LBR: variants seen among roughly 807,000 people sequenced by gnomAD.
LBR encodes the protein lamin B receptor.
In LBR, 28 loss-of-function variants were observed where a neutral mutation model predicts 74.3. That is an observed-to-expected ratio of 0.38 (90% CI 0.28 to 0.52). LBR has a LOEUF of 0.52. Among genes scored for constraint, LBR ranks in the 20% least tolerant of loss-of-function variants. LBR has a pLI of 0.89. For synonymous variants in LBR, 228 were observed against 269.3 expected (o/e 0.85, Z 1.50); for missense variants, 717 against 760.3 (o/e 0.94, Z 0.67).
At chr1:225,411,488 G>A (rs1338840306) in intron 8 of LBR, 48 bp from the exon 9 acceptor site, 2 of 1,424,442 alleles carry the variant, frequency 1.4e-6, no homozygotes, top group South Asian at 1.1e-5. Context: ...AACCCAGTCA[G>A]GAGGCTTTAC....
Position 225,403,418 on chromosome 1 carries a change from A to G in LBR, c.1733T>C (p.Met578Thr). 6.2e-7 allele frequency: 1 copy of G among 1,611,314 alleles called. No homozygotes were observed. Among genetic ancestry groups the G allele is most frequent in the Non-Finnish European group, 8.5e-7 (1 of 1,178,634 alleles). The change falls in exon 14 of 14, where the codon ATG (methionine) becomes ACG (threonine). Residue 578 changes from methionine to threonine, a missense_variant. Met to Thr is a moderately conservative substitution (Grantham distance 81, BLOSUM62 -1). Transcript: ENST00000272163. ...LPYFYIIYFTMLLVHREARDE... is the reference protein window; with the variant it reads ...LPYFYIIYFTTLLVHREARDE... The stretch of plus-strand genomic sequence containing the variant: ...ACGAGCTTCTCGGTGGACAAGCAAC[A>G]TGGTGAAATAAATTATGTAGAAATA...
At chr1:225,404,931 T>A (rs2096088355) in intron 11 of LBR, among the ~76,000 whole-genome samples, 1 of 152,028 alleles carries the variant, frequency 6.6e-6, no homozygotes. Context: ...AACCTCTAAA[T>A]CCCACTATGT....
intron 3 of LBR, among the ~76,000 whole-genome samples, chr1:225,420,984 T>C (rs1396604766): frequency 1.3e-5 from 2 of 152,172 alleles, no homozygotes; most frequent in Non-Finnish European, 2.9e-5. Context: ...TTTGTAATAG[T>C]GAAAATATGG....
At chr1:225,417,263 C>A (rs2096119101) in intron 6 of LBR, among the ~76,000 whole-genome samples, 1 of 152,140 alleles carries the variant, frequency 6.6e-6, no homozygotes. Flanking sequence ...AAAACCGATC[C>A]TTTGGTTTAC....
intron 3 of LBR, among the ~76,000 whole-genome samples, chr1:225,421,338 A>C (rs1351116200): frequency 6.6e-6 from 1 of 152,200 alleles, no homozygotes; most frequent in African/African-American, 2.4e-5. Flanking sequence ...CTAAAAATAC[A>C]AAAAATCAGC....
intron 7 of LBR, chr1:225,414,300 T>C (rs564058915): frequency 2.5e-5 from 9 of 361,874 alleles, no homozygotes; most frequent in Non-Finnish European, 4.4e-5. Flanking sequence ...GCAGACAGAG[T>C]AGATGCTGCG....
At chr1:225,406,960 A>T (rs1296230256) in intron 10 of LBR, 128 bp from the exon 11 acceptor site, 1 of 845,572 alleles carries the variant, frequency 1.2e-6, no homozygotes, top group Non-Finnish European at 2.0e-6. Context: ...TTTTTGTTAA[A>T]GGGGAGAGAG....
At chr1:225,415,379 T>C (rs1485173246) in intron 6 of LBR, 47 bp from the exon 7 acceptor site, 2 of 905,648 alleles carry the variant, frequency 2.2e-6, no homozygotes, top group South Asian at 1.4e-5. Context: ...ATCACCATCA[T>C]ATATACATAT....
Position 225,423,923 on chromosome 1 carries a change from C to T in LBR, c.153G>A (p.Glu51=). Residue 51 remains glutamate, a synonymous_variant, in exon 2 of 14, where the codon GAG becomes GAA. Coordinates refer to ENST00000272163, the MANE Select transcript of LBR (RefSeq NM_002296.4). ...AAGGAGCTCTTACCTTAATATCATTCTCTTTCAATTCAAGCTCTGTTCCAT... is the reference window on the plus strand; with the variant it reads ...AAGGAGCTCTTACCTTAATATCATTTTCTTTCAATTCAAGCTCTGTTCCAT... The part of the protein sequence containing the change: ...YKDGTELELK[E]NDIKPLTSFR... The T allele has an allele frequency of 1.2e-6, 2 of 1,613,650 alleles. No homozygotes were observed. The highest frequency in any genetic ancestry group is 8.5e-7 in the Non-Finnish European group (1 of 1,179,554).
chr1:225,414,084 G>A (rs1355949261), intron 7 of LBR: 1 of 456,662 alleles, frequency 2.2e-6, no homozygotes, highest in Non-Finnish European at 4.4e-6. Context: ...GGGAGGGAGG[G>A]TGCCAAAGGT....
intron 11 of LBR, among the ~76,000 whole-genome samples, chr1:225,406,160 C>A (rs941730832): frequency 1.3e-5 from 2 of 152,084 alleles, no homozygotes; most frequent in African/African-American, 2.4e-5. Flanking sequence ...AAACTCCAAT[C>A]GAACACCATA....
rs750619820 is a variant in LBR at position 225,412,623 on chromosome 1, T to C, written c.915A>G (p.Thr305=). The part of the protein sequence containing the change: ...RLNGFYAFIL[T]SAVIGTSLFQ... ...AGAGAGATGTTCCGATGACTGCAGA[T>C]GTCAGGATAAAAGCATAGAATCCTT... The change falls in exon 8 of 14, where the codon ACA becomes ACG. Residue 305 remains threonine, a synonymous_variant. Transcript: ENST00000272163. 6.2e-7 allele frequency: 1 copy of C among 1,610,432 alleles called. No individual in the cohort carries two copies. Among genetic ancestry groups the C allele is most frequent in the East Asian group, 2.2e-5 (1 of 44,792 alleles).
intron 2 of LBR, among the ~76,000 whole-genome samples, chr1:225,423,188 C>G (rs2096131265): frequency 6.6e-6 from 1 of 152,204 alleles, no homozygotes; most frequent in Non-Finnish European, 1.5e-5. Context: ...GATAGTAAAA[C>G]TGTGAGTCGT....
chr1:225,416,220 A>T (rs1179507773), intron 6 of LBR, among the ~76,000 whole-genome samples: 1 of 151,082 alleles, frequency 6.6e-6, no homozygotes, highest in African/African-American at 2.4e-5. Flanking sequence ...AAAAAGAGAG[A>T]GAGAGAGAGA....
Position 225,404,393 on chromosome 1 carries a change from G to T in LBR, c.1687+11C>A. On this transcript the variant is annotated intron_variant, in intron 13 of 13. Coordinates refer to ENST00000272163, the MANE Select transcript of LBR (RefSeq NM_002296.4). Reference sequence around the variant, plus strand: ...AAAAGGGTCAAACTAGCACTCTTCTGAAATGCTTACCACATGGGAGGGACC... The same window carrying T: ...AAAAGGGTCAAACTAGCACTCTTCTTAAATGCTTACCACATGGGAGGGACC... 6.2e-7 allele frequency: 1 copy of T among 1,613,816 alleles called. No individual in the cohort carries two copies. The highest frequency in any genetic ancestry group is 8.5e-7 in the Non-Finnish European group (1 of 1,179,994).
chr1:225,403,969 C>T (rs2096086352), intron 13 of LBR, among the ~76,000 whole-genome samples: 1 of 150,316 alleles, frequency 6.7e-6, no homozygotes, highest in Non-Finnish European at 1.5e-5. Context: ...GACACCCCAG[C>T]TCCCCAAGCA....
Position 225,410,331 on chromosome 1 carries a change from C to T in LBR, c.1274G>A (p.Ser425Asn). Residue 425 changes from serine (S) to asparagine (N), a missense_variant, in exon 10 of 14, where the codon AGT becomes AAT. By Grantham distance (46) the Ser-to-Asn change is conservative (BLOSUM62 1). Coordinates refer to ENST00000272163, the MANE Select transcript of LBR (RefSeq NM_002296.4). ...VPSLAMILVN[S>N]FQLLYVVDAL... is the part of the protein sequence containing the mutation. ...ATCCACCACATAGAGAAGCTGGAAA[C>T]TATTAACTAAAATCATGGCCAAGGA... 6.2e-7 allele frequency: 1 copy of T among 1,614,178 alleles called. No homozygotes were observed. Among genetic ancestry groups the T allele is most frequent in the South Asian group, 1.1e-5 (1 of 91,084 alleles).
In LBR at chr1:225,407,399, T is replaced by C. The variant is rs78390610; in HGVS notation, c.1315-567A>G. On this transcript the variant is annotated intron_variant, in intron 10 of 13. Transcript: ENST00000272163. ...CAACTCTTTTTGTTTCAATTCCACA[T>C]GGACCAATCTAATTTCTGTTCATAA... Among the ~76,000 whole-genome samples, 733 of 152,350 alleles carry C rather than the reference T, an allele frequency of 4.8e-3. 9 individuals carry two copies. The highest frequency in any genetic ancestry group is 0.014 in the African/African-American group (567 of 41,590).
chr1:225,414,641 TGCC>T (rs2096113544), intron 7 of LBR, among the ~76,000 whole-genome samples: 1 of 152,180 alleles, frequency 6.6e-6, no homozygotes, highest in Admixed American at 6.5e-5. Flanking sequence ...ACCCACTACA[TGCC>T]CATCTTCCTA....
Sources: allele counts gnomAD v4.1 joint callset (sites outside exome capture counted in the v4.1 genomes callset), GRCh38; gene constraint gnomAD v4.1.1; transcripts MANE v1.5; gene names NCBI Gene and HGNC (gene_info 2026-07-23, HGNC 2026-07-21).